Variants in DENND4C observed in about 807,000 individuals in gnomAD.
DENND4C encodes the protein DENN domain containing 4C, also known as DENN domain-containing protein 4C.
A neutral mutation model predicts 203.0 loss-of-function variants in DENND4C; 108 were observed. The ratio of observed to expected loss-of-function variants is 0.53; its 90% confidence interval spans 0.46 to 0.62. DENND4C has a LOEUF of 0.62. Among genes scored for constraint, DENND4C ranks in the 20% least tolerant of loss-of-function variants. The probability of loss-of-function intolerance (pLI) is 0.00; values close to 1 mark genes in which losing one functional copy is unlikely to be tolerated. For synonymous variants in DENND4C, 871 were observed against 792.4 expected, an observed-to-expected ratio of 1.10 and a Z score of -1.67; for missense variants, 2,481 against 2,301.2, an observed-to-expected ratio of 1.08 and a Z score of -1.60.
rs1383429788 is a variant in DENND4C, at chr9:19,276,147, C to G, written c.-17-11C>G. 2 of 1,212,680 alleles carry G rather than the reference C, an allele frequency of 1.6e-6. No homozygotes were observed. Among genetic ancestry groups the G allele is most frequent in the Admixed American group, 4.2e-5 (1 of 23,650 alleles). 75.1% of individuals were successfully genotyped at this position (1,212,680 alleles called of 1,614,324 possible). A position where few individuals can be genotyped will look rare whatever the true frequency, so the allele number is the denominator to read the frequency against. ...TTTATTTTATTGGTATCTTTCCCCT[C>G]CCTCTTCTAGAAAATACAGTAGCAG... On this transcript the variant is annotated splice_polypyrimidine_tract_variant and intron_variant, in intron 1 of 32. Coordinates refer to ENST00000434457, the MANE Select transcript of DENND4C (RefSeq NM_001330640.2).
chr9:19,272,945 C>CTTTTTT (rs35973945), intron 1 of DENND4C, among the ~76,000 whole-genome samples: 2 of 86,610 alleles, frequency 2.3e-5, no homozygotes, highest in African/African-American at 4.5e-5. Flanking sequence ...TTTTTGTATC[C>CTTTTTT]TTTTTTTTTT....
At chr9:19,334,070 G>C (rs1193651467) in intron 17 of DENND4C, among the ~76,000 whole-genome samples, 1 of 152,002 alleles carries the variant, frequency 6.6e-6, no homozygotes, top group East Asian at 1.9e-4. Flanking sequence ...TTTAGAGACA[G>C]TTTTACTCTT....
At chr9:19,241,863 G>T (rs186129377) in intron 1 of DENND4C, among the ~76,000 whole-genome samples, 1,513 of 148,774 alleles carry the variant, frequency 0.01, 12 homozygotes, top group South Asian at 0.015. Context: ...AAAAAAAAAA[G>T]TAAGTAGAAG....
At chr9:19,311,865 G>A (rs1358924766) in intron 10 of DENND4C, among the ~76,000 whole-genome samples, 1 of 152,156 alleles carries the variant, frequency 6.6e-6, no homozygotes, top group Non-Finnish European at 1.5e-5. Flanking sequence ...CAGCTTCTAT[G>A]GAGGATATCT....
At chr9:19,285,889 G>T (rs1835110763) in intron 2 of DENND4C, among the ~76,000 whole-genome samples, 1 of 152,072 alleles carries the variant, frequency 6.6e-6, no homozygotes, top group African/African-American at 2.4e-5. Context: ...CTTAATTTTG[G>T]ACACTCCATT....
At chr9:19,356,866 ATTTTAT>A in intron 26 of DENND4C, 100 bp from the exon 27 acceptor site, 1 of 1,092,776 alleles carries the variant, frequency 9.2e-7, no homozygotes, top group South Asian at 1.6e-5. Flanking sequence ...ATTATATATA[ATTTTAT>A]TAATGACTGC....
intron 1 of DENND4C, among the ~76,000 whole-genome samples, chr9:19,268,763 C>T (rs910462595): frequency 6.6e-6 from 1 of 152,052 alleles, no homozygotes; most frequent in Non-Finnish European, 1.5e-5. Flanking sequence ...GTCATACACT[C>T]TCTCCTAGCC....
At chr9:19,291,819 T>C (rs896769843) in intron 5 of DENND4C, among the ~76,000 whole-genome samples, 1 of 152,004 alleles carries the variant, frequency 6.6e-6, no homozygotes, top group South Asian at 2.1e-4. Flanking sequence ...AAAAGGAGTT[T>C]TAAAATGTAG....
rs1391194927 is a variant in DENND4C at position 19,288,602 on chromosome 9, T to C, written c.565T>C (p.Ser189Pro). 30 of 1,231,538 alleles carry C rather than the reference T, an allele frequency of 2.4e-5. No individual in the cohort carries two copies. Among genetic ancestry groups the C allele is most frequent in the Non-Finnish European group, 2.9e-5 (29 of 987,624 alleles). The allele number at this position is 1,231,538 out of a possible 1,614,324, so 76.3% of individuals were successfully genotyped here. The change falls in exon 4 of 33, where the codon TCC becomes CCC. Residue 189 changes from serine (S) to proline (P), a missense_variant. Physicochemically the swap from Ser to Pro is moderately conservative, Grantham distance 74. Transcript: ENST00000434457. ...CCTAATTCATGTTTTACAGTGGGGT[T>C]CCAGCGTGTTTCTGTGTTATAAGAA... ...DKNLNCGMWG[S>P]SVFLCYKKSV...
At chr9:19,244,156 G>C (rs185322131) in intron 1 of DENND4C, among the ~76,000 whole-genome samples, 99 of 152,148 alleles carry the variant, frequency 6.5e-4, no homozygotes, top group Middle Eastern at 3.4e-3. Context: ...TCAGCCTCCT[G>C]AGTAGCTGGG....
At chr9:19,284,799 T>G (rs759240476) in intron 2 of DENND4C, among the ~76,000 whole-genome samples, 2 of 152,198 alleles carry the variant, frequency 1.3e-5, no homozygotes, top group African/African-American at 2.4e-5. Flanking sequence ...GTTAGGAAGA[T>G]GAGCTTTTTG....
At chr9:19,356,839 C>A in intron 26 of DENND4C, 133 bp from the exon 27 acceptor site, 1 of 702,660 alleles carries the variant, frequency 1.4e-6, no homozygotes, top group Non-Finnish European at 2.2e-6. Context: ...TGGAAATAGG[C>A]CGTGTTTTCC....
intron 5 of DENND4C, among the ~76,000 whole-genome samples, chr9:19,294,893 C>T (rs1018545019): frequency 2.6e-5 from 4 of 151,946 alleles, no homozygotes; most frequent in African/African-American, 9.7e-5. Flanking sequence ...GGATTGAGGG[C>T]AAGAGAATGG....
chr9:19,325,818 T>A (rs2131687794), intron 13 of DENND4C, 121 bp from the exon 14 acceptor site: 1 of 872,950 alleles, frequency 1.1e-6, no homozygotes, highest in South Asian at 1.6e-5. Flanking sequence ...ATACTGTGCA[T>A]GTTTTGTATC....
intron 20 of DENND4C, 64 bp from the exon 21 acceptor site, chr9:19,340,928 T>G (rs766854273): frequency 7.0e-7 from 1 of 1,422,368 alleles, no homozygotes; most frequent in Non-Finnish European, 9.3e-7. Flanking sequence ...TTTCTTGTGA[T>G]TTTTATATAT....
chr9:19,331,840 C>G (rs535373118), intron 16 of DENND4C, 138 bp from the exon 17 acceptor site: 222 of 698,866 alleles, frequency 3.2e-4, no homozygotes, highest in Non-Finnish European at 4.7e-4. Flanking sequence ...CAGGAAGCCA[C>G]TCACAAAAGT....
chr9:19,338,475 T>G (rs929787061), intron 20 of DENND4C, among the ~76,000 whole-genome samples: 1 of 152,110 alleles, frequency 6.6e-6, no homozygotes, highest in African/African-American at 2.4e-5. Context: ...AGGTCCCCCT[T>G]ATATATATTT....
Position 19,336,420 on chromosome 9 carries a change from A to G in DENND4C, c.2734+6A>G, listed in dbSNP as rs1259919770. 1.2e-6 allele frequency: 2 copies of G among 1,606,988 alleles called. No homozygotes were observed. The highest frequency in any genetic ancestry group is 2.7e-5 in the African/African-American group (2 of 74,448). ...ACAGGTCTCCTCAATATCAGGTAATACATGTGATTAGAAATATAATTCCTT... is the reference window on the plus strand; with the variant it reads ...ACAGGTCTCCTCAATATCAGGTAATGCATGTGATTAGAAATATAATTCCTT... On this transcript the variant is annotated splice_donor_region_variant and intron_variant, in intron 19 of 32. Coordinates refer to ENST00000434457, the MANE Select transcript of DENND4C (RefSeq NM_001330640.2).
intron 4 of DENND4C, among the ~76,000 whole-genome samples, chr9:19,290,254 A>G (rs1836019621): frequency 6.6e-6 from 1 of 152,094 alleles, no homozygotes; most frequent in African/African-American, 2.4e-5. Context: ...TGCCTTTTAC[A>G]CTGCTTCCCT....
Sources: gnomAD v4.1 joint callset for allele counts (sites outside exome capture counted in the v4.1 genomes callset) on GRCh38, gnomAD v4.1.1 for gene constraint, MANE v1.5 for transcripts, NCBI Gene and HGNC (gene_info 2026-07-23, HGNC 2026-07-21) for gene names.